CAST: variants seen among roughly 807,000 people sequenced by gnomAD.
CAST encodes the protein calpastatin, also known as MIR583 host.
CAST carries 76 observed loss-of-function variants against 119.6 expected under a neutral mutation model. The observed-to-expected ratio is 0.64, with a 90% confidence interval of 0.53 to 0.77. The LOEUF is 0.77. CAST is among the 30% of genes least tolerant of loss of function. CAST has a pLI of 0.00. For missense variants in CAST, 953 were observed against 946.5 expected (o/e 1.01, Z -0.09); for synonymous variants, 319 against 331.6 (o/e 0.96, Z 0.41).
At chr5:96,078,913 C>T in the CAST span, among the ~76,000 whole-genome samples, 5 of 151,994 alleles carry the variant, frequency 3.3e-5, no homozygotes, top group Non-Finnish European at 5.9e-5. Flanking sequence ...TAGAGGGAAA[C>T]AACACATACT....
chr5:96,326,514 A>G, the CAST span, among the ~76,000 whole-genome samples: 63 of 152,260 alleles, frequency 4.1e-4, no homozygotes, highest in Admixed American at 1.5e-3. Flanking sequence ...CAGCTCAAGC[A>G]TCTTTTTCTA....
At chr5:96,219,249 C>T in the CAST span, among the ~76,000 whole-genome samples, 1 of 152,150 alleles carries the variant, frequency 6.6e-6, no homozygotes, top group African/African-American at 2.4e-5. Flanking sequence ...TAATCACACT[C>T]CTCAAGAACA....
the CAST span, among the ~76,000 whole-genome samples, chr5:96,076,717 G>A: frequency 1.3e-5 from 2 of 152,066 alleles, no homozygotes; most frequent in South Asian, 4.1e-4. Context: ...ACAAACAAAA[G>A]GAAAGTAATA....
the CAST span, among the ~76,000 whole-genome samples, chr5:96,187,516 T>G: frequency 6.6e-6 from 1 of 152,342 alleles, no homozygotes; most frequent in South Asian, 2.1e-4. Context: ...CTGCTTTAGC[T>G]GTGTCGCAGG....
chr5:96,411,135 T>C, the CAST span: 2 of 711,854 alleles, frequency 2.8e-6, no homozygotes, highest in African/African-American at 3.5e-5. Flanking sequence ...TTGGCTTCGA[T>C]ATTGGAAATC....
At chr5:96,305,209 G>A in the CAST span, among the ~76,000 whole-genome samples, 1 of 152,104 alleles carries the variant, frequency 6.6e-6, no homozygotes, top group African/African-American at 2.4e-5. Context: ...TCTCTTTGTA[G>A]CAACTGTGAA....
chr5:96,739,695 T>G (rs983300198), intron 11 of CAST, among the ~76,000 whole-genome samples: 1 of 152,218 alleles, frequency 6.6e-6, no homozygotes, highest in South Asian at 2.1e-4. Context: ...CTGATAGAGT[T>G]GGGTATTGGG....
chr5:96,319,261 G>A, the CAST span, among the ~76,000 whole-genome samples: 84 of 152,242 alleles, frequency 5.5e-4, no homozygotes, highest in African/African-American at 6.0e-4. Context: ...ATCTGCCTCC[G>A]TGACCAAAAC....
the CAST span, among the ~76,000 whole-genome samples, chr5:96,493,515 G>GCTCA: frequency 3.3e-5 from 5 of 152,126 alleles, no homozygotes; most frequent in Non-Finnish European, 7.4e-5. Context: ...CTCCACTGTA[G>GCTCA]CTCAGTCCCT....
At chr5:96,240,592 C>T in the CAST span, among the ~76,000 whole-genome samples, 5 of 152,002 alleles carry the variant, frequency 3.3e-5, no homozygotes, top group Non-Finnish European at 4.4e-5. Context: ...GAGATAGGCT[C>T]TTGATCTGTC....
At chr5:96,488,634 T>C in the CAST span, among the ~76,000 whole-genome samples, 1 of 152,184 alleles carries the variant, frequency 6.6e-6, no homozygotes, top group Admixed American at 6.5e-5. Flanking sequence ...AGCAGATCCC[T>C]TAGAGTAGAT....
the CAST span, among the ~76,000 whole-genome samples, chr5:96,444,752 TA>T: frequency 8.4e-3 from 1,273 of 152,312 alleles, 20 homozygotes; most frequent in African/African-American, 0.03. Context: ...TTGTTTTATT[TA>T]TTTTTTTATT....
the CAST span, among the ~76,000 whole-genome samples, chr5:96,461,505 T>A: frequency 2.0e-5 from 3 of 152,220 alleles, no homozygotes; most frequent in Non-Finnish European, 4.4e-5. Context: ...TATCTCCACA[T>A]CCTCACTGAC....
At chr5:96,127,618 A>G in the CAST span, among the ~76,000 whole-genome samples, 1 of 152,130 alleles carries the variant, frequency 6.6e-6, no homozygotes, top group Non-Finnish European at 1.5e-5. Context: ...ATATTAAATT[A>G]CAAGAGAAAA....
upstream of CAST, among the ~76,000 whole-genome samples, chr5:96,525,932 C>A (rs1745591681): frequency 6.6e-6 from 1 of 152,134 alleles, no homozygotes; most frequent in South Asian, 2.1e-4. Context: ...CCAGAGGGAA[C>A]TTTGGTCCAG....
chr5:96,517,194 G>A, the CAST span, among the ~76,000 whole-genome samples: 13 of 142,628 alleles, frequency 9.1e-5, no homozygotes, highest in Non-Finnish European at 1.7e-4. Context: ...AAGACAATTT[G>A]TATATATGTT....
At chr5:96,553,629 T>C (rs1363239447) in intron 1 of CAST, among the ~76,000 whole-genome samples, 3 of 152,210 alleles carry the variant, frequency 2.0e-5, no homozygotes, top group Non-Finnish European at 4.4e-5. Context: ...TGTTTGCAGA[T>C]GACATGATTG....
the CAST span, among the ~76,000 whole-genome samples, chr5:96,074,003 C>T: frequency 2.6e-5 from 4 of 152,158 alleles, no homozygotes; most frequent in African/African-American, 9.7e-5. Context: ...TCAAGGTTCC[C>T]GGCTGCATGA....
chr5:96,444,696 A>G, the CAST span, among the ~76,000 whole-genome samples: 3 of 151,798 alleles, frequency 2.0e-5, no homozygotes, highest in Admixed American at 6.6e-5. Flanking sequence ...ATATCTTCTC[A>G]TGTCTGAGAA....
Sources: allele counts gnomAD v4.1 joint callset (sites outside exome capture counted in the v4.1 genomes callset), GRCh38; gene constraint gnomAD v4.1.1; transcripts MANE v1.5; gene names NCBI Gene and HGNC (gene_info 2026-07-23, HGNC 2026-07-21).